Variants in GMDS observed in about 807,000 individuals in gnomAD.
The protein encoded by GMDS is GDP-mannose 4,6 dehydratase.
GMDS carries 20 observed loss-of-function variants against 49.9 expected under a neutral mutation model. That is an observed-to-expected ratio of 0.40 (90% CI 0.28 to 0.58). GMDS has a LOEUF of 0.58. GMDS is among the 20% of genes least tolerant of loss of function. GMDS has a pLI of 0.42. For missense variants in GMDS, 362 were observed against 481.4 expected, an observed-to-expected ratio of 0.75 and a Z score of 2.32; for synonymous variants, 177 against 178.6, an observed-to-expected ratio of 0.99 and a Z score of 0.07.
At chr6:1,690,102 C>G (rs931126389) in intron 9 of GMDS, among the ~76,000 whole-genome samples, 24 of 152,084 alleles carry the variant, frequency 1.6e-4, no homozygotes, top group Admixed American at 7.2e-4. Flanking sequence ...AAGACCTTGT[C>G]TCAAGAATAA....
chr6:1,657,398 G>A (rs1235555637), intron 9 of GMDS, among the ~76,000 whole-genome samples: 5 of 152,178 alleles, frequency 3.3e-5, no homozygotes, highest in African/African-American at 9.7e-5. Context: ...GAAGACAGCA[G>A]GTCAAGTCTC....
At chr6:1,915,055 C>T (rs988315457) in intron 7 of GMDS, among the ~76,000 whole-genome samples, 2 of 152,242 alleles carry the variant, frequency 1.3e-5, no homozygotes, top group Admixed American at 1.3e-4. Flanking sequence ...GGGAGAGCAG[C>T]ACGGAGGCCT....
At chr6:1,963,120 C>T (rs951798190) in intron 4 of GMDS, among the ~76,000 whole-genome samples, 2 of 151,638 alleles carry the variant, frequency 1.3e-5, no homozygotes, top group African/African-American at 4.8e-5. Context: ...CATGATCCAC[C>T]CACCTCAGCC....
chr6:2,113,354 C>T (rs1024362038), intron 4 of GMDS, among the ~76,000 whole-genome samples: 1 of 152,084 alleles, frequency 6.6e-6, no homozygotes, highest in Admixed American at 6.5e-5. Flanking sequence ...TAAGCCCTAC[C>T]TCTAGACTCT....
At chr6:2,036,638 A>C (rs1262711517) in intron 4 of GMDS, among the ~76,000 whole-genome samples, 2 of 152,250 alleles carry the variant, frequency 1.3e-5, no homozygotes, top group African/African-American at 4.8e-5. Context: ...TTAAACAGTA[A>C]GACCATATAT....
intron 1 of GMDS, among the ~76,000 whole-genome samples, chr6:2,226,597 G>A (rs906245447): frequency 6.6e-6 from 1 of 152,150 alleles, no homozygotes; most frequent in Non-Finnish European, 1.5e-5. Context: ...TGAGTATCTG[G>A]AAATGCAAAC....
At chr6:2,111,522 C>A (rs1437533540) in intron 4 of GMDS, among the ~76,000 whole-genome samples, 4 of 152,078 alleles carry the variant, frequency 2.6e-5, no homozygotes, top group African/African-American at 7.2e-5. Flanking sequence ...TACAGGAAAC[C>A]AGAGCAACTT....
chr6:1,681,516 G>C (rs1290804864), intron 9 of GMDS, among the ~76,000 whole-genome samples: 1 of 152,174 alleles, frequency 6.6e-6, no homozygotes, highest in African/African-American at 2.4e-5. Context: ...CAGGTGAGGA[G>C]GACCAGGCGG....
rs1442401794 is a variant in GMDS, at chr6:1,640,577, C to A, written c.988-16037G>T. Among the ~76,000 whole-genome samples the A allele has an allele frequency of 1.3e-5, 2 of 152,160 alleles. No individual in the cohort carries two copies. The highest frequency in any genetic ancestry group is 2.4e-5 in the African/African-American group (1 of 41,438). On this transcript the variant is annotated intron_variant, in intron 9 of 10. Transcript: ENST00000380815. This position sits in a 1 kb window ranked among gnomAD's most constrained non-coding sequence, Gnocchi z 4.0. ...TGGATGTGGCTGTGCCTTCTAGGTG[C>A]CCGTTTTGGAGAGAATACATTTCTT...
chr6:2,159,956 T>C lies in GMDS; in HGVS notation c.103-35225A>G, dbSNP rs78466806. Among the ~76,000 whole-genome samples the C allele has an allele frequency of 8.1e-3, 1,230 of 152,290 alleles. 24 individuals are homozygous for C. The highest frequency in any genetic ancestry group is 0.029 in the African/African-American group (1,192 of 41,550). On this transcript the variant is annotated intron_variant, in intron 1 of 10. Coordinates refer to ENST00000380815, the MANE Select transcript of GMDS (RefSeq NM_001500.4). Reference sequence around the variant, plus strand: ...AGGGTCAACTGTAATATATAAAATATGCAATTTTATAGTCATATTATATAG... The same window carrying C: ...AGGGTCAACTGTAATATATAAAATACGCAATTTTATAGTCATATTATATAG...
chr6:1,729,738 C>T (rs143443124), intron 8 of GMDS, among the ~76,000 whole-genome samples: 176 of 152,288 alleles, frequency 1.2e-3, no homozygotes, highest in African/African-American at 4.0e-3. Context: ...AGAGTTACTA[C>T]CCACGAATTG....
At chr6:1,858,773 T>A (rs900549934) in intron 7 of GMDS, among the ~76,000 whole-genome samples, 1 of 152,174 alleles carries the variant, frequency 6.6e-6, no homozygotes, top group East Asian at 1.9e-4. Flanking sequence ...ATCATTAATA[T>A]TGAGCACCAT....
intron 1 of GMDS, among the ~76,000 whole-genome samples, chr6:2,141,231 AC>A (rs1465432271): frequency 6.6e-6 from 1 of 152,190 alleles, no homozygotes; most frequent in Non-Finnish European, 1.5e-5. Flanking sequence ...AGTAAGAAGC[AC>A]CTGGCCAGTA....
chr6:2,147,999 A>G (rs1776654856), intron 1 of GMDS, among the ~76,000 whole-genome samples: 1 of 152,084 alleles, frequency 6.6e-6, no homozygotes, highest in East Asian at 1.9e-4. Context: ...AAAAGCCTCT[A>G]AAAAGGTTGT....
intron 1 of GMDS, among the ~76,000 whole-genome samples, chr6:2,174,549 T>TTTTTG (rs199605602): frequency 0.04 from 5,999 of 151,462 alleles, 234 homozygotes; most frequent in East Asian, 0.12. Context: ...TGCCTAGTTT[T>TTTTTG]TTTTGTTTTG....
intron 7 of GMDS, among the ~76,000 whole-genome samples, chr6:1,788,291 T>A (rs1430094749): frequency 6.6e-6 from 1 of 152,168 alleles, no homozygotes; most frequent in African/African-American, 2.4e-5. Flanking sequence ...GTAAAGGATG[T>A]CTTACGCGTA....
At chr6:2,098,125 G>T (rs1391961599) in intron 4 of GMDS, among the ~76,000 whole-genome samples, 1 of 151,804 alleles carries the variant, frequency 6.6e-6, no homozygotes. Flanking sequence ...GCACGATCTC[G>T]GCTCGCTCAC....
intron 6 of GMDS, among the ~76,000 whole-genome samples, chr6:1,947,220 A>G (rs1763110213): frequency 6.6e-6 from 1 of 152,164 alleles, no homozygotes; most frequent in African/African-American, 2.4e-5. Context: ...TTGGGACCAC[A>G]CAGTCGTCTG....
chr6:2,220,919 G>A (rs2127589586), intron 1 of GMDS, among the ~76,000 whole-genome samples: 1 of 152,246 alleles, frequency 6.6e-6, no homozygotes, highest in Non-Finnish European at 1.5e-5. Flanking sequence ...GTTCACACCT[G>A]GAATCCAAGC....
Sources: gnomAD v4.1 joint callset for allele counts (sites outside exome capture counted in the v4.1 genomes callset) on GRCh38, gnomAD v4.1.1 for gene constraint, Gnocchi (gnomAD v3.1) non-coding constraint, MANE v1.5 for transcripts, NCBI Gene and HGNC (gene_info 2026-07-23, HGNC 2026-07-21) for gene names.